The following RNF43 variants were observed in gnomAD, a reference collection of about 807,000 sequenced individuals.
RNF43 encodes the protein E3 ubiquitin-protein ligase RNF43.
Under a neutral mutation model 78.4 loss-of-function variants are expected in RNF43, and 37 were observed. The observed-to-expected ratio is 0.47, with a 90% CI of 0.36 to 0.62. The LOEUF (loss-of-function observed/expected upper bound fraction) is 0.62. Among genes scored for constraint, RNF43 ranks in the 20% least tolerant of loss-of-function variants. The pLI, the probability that RNF43 is intolerant of heterozygous loss-of-function variation, is 0.00. For missense variants in RNF43, 774 were observed against 1,007.9 expected (o/e 0.77, Z 3.14); for synonymous variants, 347 against 395.0 (o/e 0.88, Z 1.44).
intron 2 of RNF43, chr17:58,402,650 A>C (rs934567508): frequency 1.1e-4 from 16 of 152,216 alleles, no homozygotes; most frequent in African/African-American, 3.6e-4. Context: ...CCAGAAGATA[A>C]TTTCTTAAAG....
Position 58,354,852 on chromosome 17 carries a change from GTCCTT to G in RNF43, c.*86_*90del. 2 of 1,148,210 alleles carry G rather than the reference GTCCTT, an allele frequency of 1.7e-6. No individual in the cohort carries two copies. Among genetic ancestry groups the G allele is most frequent in the South Asian group, 2.5e-5 (2 of 80,546 alleles). The allele number at this position is 1,148,210 out of a possible 1,614,324, so 71.1% of individuals were successfully genotyped here. On this transcript the variant is annotated 3_prime_UTR_variant, in exon 10 of 10. Transcript: ENST00000407977. ...GGCAAAAAGAATGGTGTTTGCTGTG[GTCCTT>G]TCCTTTCCCAGGAGCAGGACTCTGT...
chr17:58,386,289 G>A (rs919400820), intron 2 of RNF43, among the ~76,000 whole-genome samples: 1 of 151,760 alleles, frequency 6.6e-6, no homozygotes, highest in Non-Finnish European at 1.5e-5. Flanking sequence ...AGCCGGGCTT[G>A]GTGGTACGCG....
chr17:58,403,613 G>T (rs1308337764), intron 2 of RNF43, among the ~76,000 whole-genome samples: 2 of 150,776 alleles, frequency 1.3e-5, no homozygotes, highest in African/African-American at 4.9e-5. Flanking sequence ...CTTTTTTTTT[G>T]CCAGCGGAAG....
intron 2 of RNF43, among the ~76,000 whole-genome samples, chr17:58,402,897 G>T (rs994140975): frequency 2.0e-5 from 3 of 152,170 alleles, no homozygotes; most frequent in African/African-American, 7.2e-5. Flanking sequence ...AACAGTAGAG[G>T]AATGCAGGGA....
chr17:58,356,170 A>G (rs1367185631), intron 9 of RNF43, among the ~76,000 whole-genome samples: 2 of 152,194 alleles, frequency 1.3e-5, no homozygotes, highest in African/African-American at 4.8e-5. Flanking sequence ...GGCAAGTTCC[A>G]TGTCTTCAGA....
chr17:58,389,046 A>C (rs977136104), intron 2 of RNF43, among the ~76,000 whole-genome samples: 16 of 152,206 alleles, frequency 1.1e-4, no homozygotes, highest in Non-Finnish European at 2.9e-5. Context: ...TCTTCAGGGG[A>C]TCTCATTATC....
intron 2 of RNF43, among the ~76,000 whole-genome samples, chr17:58,403,181 C>T (rs1337151565): frequency 6.6e-6 from 1 of 152,138 alleles, no homozygotes; most frequent in Non-Finnish European, 1.5e-5. Flanking sequence ...TACTGAGGCA[C>T]ATCCAACCAA....
At chr17:58,382,139 G>A (rs1973333848) in intron 2 of RNF43, among the ~76,000 whole-genome samples, 1 of 152,074 alleles carries the variant, frequency 6.6e-6, no homozygotes, top group Admixed American at 6.6e-5. Context: ...CTTACTGTGG[G>A]TCAATGCTGC....
rs2143408534 is a variant in RNF43, at chr17:58,358,228, A to T, written c.1548T>A (p.Asp516Glu). The T allele has an allele frequency of 6.2e-7, 1 of 1,613,392 alleles. No homozygotes were observed. The highest frequency in any genetic ancestry group is 1.1e-5 in the South Asian group (1 of 91,074). Reference sequence around the variant, plus strand: ...TAGGCTGCATGTCCACTCGCTGGGGATCCCCTTTAGGGCTGCAGTACACTA... The same window carrying T: ...TAGGCTGCATGTCCACTCGCTGGGGTTCCCCTTTAGGGCTGCAGTACACTA... ...DPLVYCSPKG[D>E]PQRVDMQPSV... The change falls in exon 9 of 10, where the codon GAT (aspartate) becomes GAA (glutamate). Residue 516 changes from aspartate (D) to glutamate (E), a missense_variant. By Grantham distance (45) the Asp-to-Glu change is conservative. Coordinates refer to ENST00000407977, the MANE Select transcript of RNF43 (RefSeq NM_017763.6). This position sits in a 1 kb window ranked among gnomAD's most constrained non-coding sequence, Gnocchi z 6.2.
chr17:58,385,658 G>A (rs922552139), intron 2 of RNF43, among the ~76,000 whole-genome samples: 1 of 152,100 alleles, frequency 6.6e-6, no homozygotes, highest in Non-Finnish European at 1.5e-5. Flanking sequence ...ACTGTCTTCT[G>A]AATTAAATTC....
At position 58,370,060 on chromosome 17, in the gene RNF43, G is replaced by GTTT. The variant is rs56372311; in HGVS notation, c.375+848_375+850dup. Among the ~76,000 whole-genome samples the GTTT allele has an allele frequency of 2.2e-3, 210 of 96,262 alleles. 29 individuals are homozygous for GTTT. The highest frequency in any genetic ancestry group is 8.1e-3 in the Middle Eastern group (1 of 124). 63.2% of individuals were successfully genotyped at this position (96,262 alleles called of 152,430 possible). On this transcript the variant is annotated intron_variant, in intron 3 of 9. Transcript: ENST00000407977. ...TCTTCTAAAGAAGCTGAAAATCTGA[G>GTTT]TTTTTTTTTTTTTTTTTTTTTTTTT... is the stretch of plus-strand genomic sequence containing the variant.
chr17:58,386,854 T>G (rs923107590), intron 2 of RNF43, among the ~76,000 whole-genome samples: 7 of 152,256 alleles, frequency 4.6e-5, no homozygotes, highest in African/African-American at 1.7e-4. Context: ...GGTCTTGCTA[T>G]GTTGCCCAGA....
intron 3 of RNF43, among the ~76,000 whole-genome samples, chr17:58,363,852 T>TCC (rs2143476539): frequency 6.6e-6 from 1 of 152,220 alleles, no homozygotes; most frequent in Non-Finnish European, 1.5e-5. Context: ...AACAAACCCT[T>TCC]AAGGGGGGTT....
intron 2 of RNF43, among the ~76,000 whole-genome samples, chr17:58,397,402 T>C (rs536519792): frequency 6.6e-5 from 10 of 152,352 alleles, no homozygotes; most frequent in Admixed American, 1.3e-4. Context: ...GGCTCATGCC[T>C]GTAATCCCAG....
chr17:58,372,797 G>A (rs1973127975), intron 2 of RNF43, among the ~76,000 whole-genome samples: 1 of 152,220 alleles, frequency 6.6e-6, no homozygotes, highest in African/African-American at 2.4e-5. Flanking sequence ...AACTAGGTAT[G>A]TGTTCACCTC....
chr17:58,390,680 C>T (rs914426394), intron 2 of RNF43, among the ~76,000 whole-genome samples: 2 of 152,206 alleles, frequency 1.3e-5, no homozygotes, highest in African/African-American at 2.4e-5. Flanking sequence ...TACCAGCATA[C>T]TCAAATTCTA....
intron 2 of RNF43, among the ~76,000 whole-genome samples, chr17:58,382,143 A>G (rs934942379): frequency 2.0e-5 from 3 of 152,204 alleles, no homozygotes; most frequent in East Asian, 3.8e-4. Flanking sequence ...CTGTGGGTCA[A>G]TGCTGCATTG....
At chr17:58,373,784 T>A (rs543284661) in intron 2 of RNF43, among the ~76,000 whole-genome samples, 10 of 152,280 alleles carry the variant, frequency 6.6e-5, no homozygotes, top group South Asian at 4.1e-4. Context: ...ACTTTTTTTT[T>A]AAAACCCATT....
intron 2 of RNF43, among the ~76,000 whole-genome samples, chr17:58,381,478 G>A (rs1973316592): frequency 2.0e-5 from 3 of 152,218 alleles, no homozygotes; most frequent in Non-Finnish European, 4.4e-5. Context: ...CTGCCTAGAT[G>A]CAACAGGAGA....
Sources: allele counts gnomAD v4.1 joint callset (sites outside exome capture counted in the v4.1 genomes callset), GRCh38; gene constraint gnomAD v4.1.1; non-coding constraint Gnocchi (gnomAD v3.1); transcripts MANE v1.5; gene names NCBI Gene and HGNC (gene_info 2026-07-23, HGNC 2026-07-21).